The following SCMH1 variants were observed in gnomAD, a reference collection of about 807,000 sequenced individuals.
The protein encoded by SCMH1 is Scm polycomb group protein homolog 1.
In SCMH1, 37 loss-of-function variants were observed where a neutral mutation model predicts 70.8. The observed-to-expected ratio is 0.52, with a 90% CI of 0.40 to 0.69. The LOEUF (loss-of-function observed/expected upper bound fraction) is 0.69, where lower values mean the gene tolerates loss of function less well. Ranked by LOEUF, SCMH1 falls within the 30% of genes least tolerant of loss-of-function variation. The pLI, the probability that SCMH1 is intolerant of heterozygous loss-of-function variation, is 0.00. For missense variants in SCMH1, 607 were observed against 827.3 expected (o/e 0.73, Z 3.27); for synonymous variants, 292 against 307.4 (o/e 0.95, Z 0.52).
chr1:41,170,992 C>T (rs1572809345), intron 2 of SCMH1, among the ~76,000 whole-genome samples: 1 of 152,248 alleles, frequency 6.6e-6, no homozygotes, highest in African/African-American at 2.4e-5. Flanking sequence ...AGGCCATCCT[C>T]TGTCATCTTG....
chr1:41,201,997 T>C (rs938888141), intron 1 of SCMH1, among the ~76,000 whole-genome samples: 1 of 152,118 alleles, frequency 6.6e-6, no homozygotes, highest in Non-Finnish European at 1.5e-5. Flanking sequence ...AAATAACACA[T>C]GTCCAGTTTC....
chr1:41,141,560 A>T (rs749650829), intron 6 of SCMH1, among the ~76,000 whole-genome samples: 8 of 152,234 alleles, frequency 5.3e-5, no homozygotes, highest in Non-Finnish European at 1.0e-4. Context: ...CCAGAATCTG[A>T]TCAAGTCTCT....
chr1:41,173,057 C>T (rs1646891319), intron 2 of SCMH1, among the ~76,000 whole-genome samples: 2 of 152,026 alleles, frequency 1.3e-5, no homozygotes, highest in Admixed American at 6.6e-5. Context: ...ACTTCAAAAG[C>T]ATAGGCAACA....
At chr1:41,216,112 A>C (rs1488593256) in intron 1 of SCMH1, among the ~76,000 whole-genome samples, 1 of 152,192 alleles carries the variant, frequency 6.6e-6, no homozygotes, top group African/African-American at 2.4e-5. Flanking sequence ...GCTCAGTAAA[A>C]GCAAGACAAA....
intron 10 of SCMH1, among the ~76,000 whole-genome samples, chr1:41,067,358 G>A (rs1332017342): frequency 6.6e-6 from 1 of 150,992 alleles, no homozygotes; most frequent in East Asian, 1.9e-4. Context: ...GCAGGAGAAT[G>A]GCGTGAACCT....
intron 7 of SCMH1, among the ~76,000 whole-genome samples, chr1:41,114,484 G>GTCTT (rs1183951208): frequency 6.6e-6 from 1 of 152,002 alleles, no homozygotes; most frequent in African/African-American, 2.4e-5. Flanking sequence ...TTCATTCTCT[G>GTCTT]TCTTTCATAT....
intron 7 of SCMH1, among the ~76,000 whole-genome samples, chr1:41,114,834 A>C (rs967457500): frequency 6.6e-6 from 1 of 151,604 alleles, no homozygotes; most frequent in Non-Finnish European, 1.5e-5. Context: ...ACACCACCAC[A>C]CTCTGCTAAT....
intron 6 of SCMH1, 90 bp downstream of exon 6, chr1:41,142,788 G>T: frequency 1.8e-6 from 2 of 1,095,434 alleles, no homozygotes; most frequent in Non-Finnish European, 2.7e-6. Flanking sequence ...GATAAGCTGG[G>T]TACCCTAGGC....
At chr1:41,213,012 G>C (rs996591472) in intron 1 of SCMH1, among the ~76,000 whole-genome samples, 5 of 152,156 alleles carry the variant, frequency 3.3e-5, no homozygotes, top group Admixed American at 3.3e-4. Context: ...CTGTATGCCA[G>C]TAAATGAATC....
chr1:41,098,914 C>A, intron 8 of SCMH1: 1 of 235,782 alleles, frequency 4.2e-6, no homozygotes, highest in South Asian at 6.8e-5. Context: ...TTATTAAGTC[C>A]CTCCTGACCA....
At chr1:41,084,412 C>G (rs1303520103) in intron 8 of SCMH1, among the ~76,000 whole-genome samples, 1 of 152,156 alleles carries the variant, frequency 6.6e-6, no homozygotes, top group Admixed American at 6.5e-5. Flanking sequence ...AAATGCAAAT[C>G]AAAACCACAA....
chr1:41,136,288 T>G (rs1643303839), intron 6 of SCMH1, among the ~76,000 whole-genome samples: 1 of 152,130 alleles, frequency 6.6e-6, no homozygotes, highest in South Asian at 2.1e-4. Flanking sequence ...CTATTGAAGT[T>G]AATTTTGACA....
At chr1:41,166,715 G>A (rs1402438104) in intron 2 of SCMH1, among the ~76,000 whole-genome samples, 1 of 151,950 alleles carries the variant, frequency 6.6e-6, no homozygotes, top group Admixed American at 6.6e-5. Flanking sequence ...AACTTTCCTG[G>A]ATTTGTCTAA....
At chr1:41,086,312 T>C (rs1264008902) in intron 8 of SCMH1, among the ~76,000 whole-genome samples, 3 of 151,684 alleles carry the variant, frequency 2.0e-5, no homozygotes, top group Non-Finnish European at 4.4e-5. Flanking sequence ...CCTTCATATA[T>C]AGCAAATCAG....
At chr1:41,176,320 T>C (rs1323933385) in intron 2 of SCMH1, among the ~76,000 whole-genome samples, 1 of 151,726 alleles carries the variant, frequency 6.6e-6, no homozygotes, top group South Asian at 2.1e-4. Flanking sequence ...GCTCCCAGCA[T>C]GAGCGACACA....
At chr1:41,031,730 G>A (rs986943862) in intron 13 of SCMH1, among the ~76,000 whole-genome samples, 1 of 152,134 alleles carries the variant, frequency 6.6e-6, no homozygotes, top group Non-Finnish European at 1.5e-5. Context: ...AGAAGATATG[G>A]GGAGAGAGTG....
intron 10 of SCMH1, among the ~76,000 whole-genome samples, chr1:41,063,635 T>C (rs1653591553): frequency 6.6e-6 from 1 of 151,400 alleles, no homozygotes; most frequent in Admixed American, 6.6e-5. Flanking sequence ...AAATCAGAAA[T>C]GATAAAGGGG....
At chr1:41,114,166 C>A (rs1669886830) in intron 7 of SCMH1, among the ~76,000 whole-genome samples, 1 of 152,108 alleles carries the variant, frequency 6.6e-6, no homozygotes, top group African/African-American at 2.4e-5. Context: ...GGTTATACAT[C>A]TAGGTGTAGA....
At chr1:41,236,730 T>C (rs1404027659) in intron 1 of SCMH1, among the ~76,000 whole-genome samples, 1 of 152,054 alleles carries the variant, frequency 6.6e-6, no homozygotes, top group Non-Finnish European at 1.5e-5. Flanking sequence ...TTAACATCTC[T>C]AGATTATAAA....
Sources: gnomAD v4.1 joint callset for allele counts (sites outside exome capture counted in the v4.1 genomes callset) on GRCh38, gnomAD v4.1.1 for gene constraint, MANE v1.5 for transcripts, NCBI Gene and HGNC (gene_info 2026-07-23, HGNC 2026-07-21) for gene names.